Variants in FYB2 observed in about 807,000 individuals in gnomAD.
The protein encoded by FYB2 is FYN binding protein 2.
In FYB2, 103 loss-of-function variants were observed where a neutral mutation model predicts 94.1. That is an observed-to-expected ratio of 1.09 (90% CI 0.93 to 1.29). The LOEUF is 1.29. FYB2 is among the 50% of genes most tolerant of loss of function. The pLI is 0.00. For synonymous variants in FYB2, 293 were observed against 287.9 expected (o/e 1.02, Z -0.18); for missense variants, 896 against 841.5 (o/e 1.06, Z -0.80).
rs41313256 is a variant in FYB2, at chr1:56,789,053, G to T, written c.839C>A (p.Pro280Gln). ...PSIDSLGPPP[P>Q]KPSRPPIVNL... is the part of the protein sequence containing the mutation. The stretch of plus-strand genomic sequence containing the variant: ...CACGATGGGAGGTCTTGAAGGCTTT[G>T]GGGGAGGAGGACCCAGGGAGTCGAT... Residue 280 changes from proline (P) to glutamine (Q), a missense_variant, in exon 3 of 20, where the codon CCA (proline) becomes CAA (glutamine). By Grantham distance (76) the Pro-to-Gln change is moderately conservative. Transcript: ENST00000343433. The T allele has an allele frequency of 7.4e-6, 12 of 1,613,888 alleles. No individual in the cohort carries two copies. In the South Asian group the frequency reaches 8.8e-5, roughly 12 times the overall value.
chr1:56,794,695 C>T (rs1350259922), intron 1 of FYB2, among the ~76,000 whole-genome samples: 2 of 152,074 alleles, frequency 1.3e-5, no homozygotes, highest in Non-Finnish European at 2.9e-5. Context: ...CGCACAGGCA[C>T]ACGCACACAC....
At chr1:56,733,414 TTG>T (rs1434498490) in intron 15 of FYB2, among the ~76,000 whole-genome samples, 5 of 152,214 alleles carry the variant, frequency 3.3e-5, no homozygotes, top group Middle Eastern at 3.4e-3. Flanking sequence ...GAAGGTTTTT[TTG>T]TGTGTCTCTA....
At chr1:56,754,990 T>A (rs1433051283) in intron 7 of FYB2, among the ~76,000 whole-genome samples, 4 of 151,908 alleles carry the variant, frequency 2.6e-5, no homozygotes, top group Non-Finnish European at 5.9e-5. Flanking sequence ...CTAAAGCAGG[T>A]TTTCTCCATG....
chr1:56,720,204 A>G lies in FYB2; in HGVS notation c.2100T>C (p.Asn700=). 1 of 1,611,544 alleles carries G rather than the reference A, an allele frequency of 6.2e-7. No homozygotes were observed. Among genetic ancestry groups the G allele is most frequent in the South Asian group, 1.1e-5 (1 of 90,596 alleles). Residue 700 remains asparagine (N), a synonymous_variant, in exon 18 of 20, where the codon AAT becomes AAC. Coordinates refer to ENST00000343433, the MANE Select transcript of FYB2 (RefSeq NM_001004303.5). ...CTTTAGAATTACGACATATCACTAGATTTTGTTCGGTGGTATCAATGACTT... is the reference window on the plus strand; with the variant it reads ...CTTTAGAATTACGACATATCACTAGGTTTTGTTCGGTGGTATCAATGACTT... ...ELEVIDTTEQ[N]LVICRNSKGK... is the part of the protein sequence containing the mutation.
At chr1:56,780,276 A>G (rs1231017519) in intron 4 of FYB2, among the ~76,000 whole-genome samples, 1 of 152,098 alleles carries the variant, frequency 6.6e-6, no homozygotes, top group Non-Finnish European at 1.5e-5. Flanking sequence ...TAGTTCCAAA[A>G]CCTTTCATAT....
intron 4 of FYB2, among the ~76,000 whole-genome samples, chr1:56,769,532 C>G (rs1645704771): frequency 6.6e-6 from 1 of 151,940 alleles, no homozygotes; most frequent in Non-Finnish European, 1.5e-5. Context: ...AATAGCTATA[C>G]TATTATTTTC....
intron 1 of FYB2, among the ~76,000 whole-genome samples, chr1:56,796,452 C>T (rs1646399916): frequency 1.3e-5 from 2 of 152,174 alleles, no homozygotes; most frequent in Non-Finnish European, 1.5e-5. Context: ...CCCTTCGATT[C>T]TTCCTCACTT....
At chr1:56,820,635 C>T (rs1293081446), upstream of FYB2, among the ~76,000 whole-genome samples, 1 of 152,226 alleles carries the variant, frequency 6.6e-6, no homozygotes, top group Non-Finnish European at 1.5e-5. Flanking sequence ...CCAAACCTGG[C>T]TGATCACCAG....
At chr1:56,776,549 C>T (rs1183699538) in intron 4 of FYB2, among the ~76,000 whole-genome samples, 4 of 152,078 alleles carry the variant, frequency 2.6e-5, no homozygotes, top group South Asian at 2.1e-4. Context: ...CCAGTCAAAA[C>T]TTCAACAGCA....
intron 15 of FYB2, among the ~76,000 whole-genome samples, chr1:56,736,424 C>CTTTTTTT (rs59242700): frequency 3.3e-5 from 4 of 120,006 alleles, no homozygotes; most frequent in African/African-American, 6.6e-5. Flanking sequence ...TTAAGGATGG[C>CTTTTTTT]TTTTTTTTTT....
At chr1:56,791,785 T>C (rs113924375) in intron 2 of FYB2, among the ~76,000 whole-genome samples, 5,826 of 152,250 alleles carry the variant, frequency 0.038, 161 homozygotes, top group Middle Eastern at 0.068. Context: ...TCTATATAAA[T>C]TGCCTAAATT....
chr1:56,799,568 C>T (rs1646474140), intron 1 of FYB2, among the ~76,000 whole-genome samples: 1 of 152,050 alleles, frequency 6.6e-6, no homozygotes, highest in South Asian at 2.1e-4. Flanking sequence ...GACCATGTAT[C>T]TTGGGTTTTT....
In FYB2 at chr1:56,751,088, G is replaced by A; in HGVS notation, c.1343C>T (p.Pro448Leu). ...EAMIDIIQTN[P>L]CPEGPKLARH... is the part of the protein sequence containing the mutation. Reference sequence around the variant, plus strand: ...GGCCAGCTTTGGGCCCTCAGGGCAGGGATTTGTCTGGATGATGTCAATCAT... The same window carrying A: ...GGCCAGCTTTGGGCCCTCAGGGCAGAGATTTGTCTGGATGATGTCAATCAT... The change falls in exon 9 of 20, where the codon CCC becomes CTC. Residue 448 changes from proline to leucine, a missense_variant. Transcript: ENST00000343433. 6.2e-7 allele frequency: 1 copy of A among 1,612,794 alleles called. No homozygotes were observed. The highest frequency in any genetic ancestry group is 1.1e-5 in the South Asian group (1 of 91,044).
At chr1:56,759,300 A>G (rs1473284057) in intron 5 of FYB2, among the ~76,000 whole-genome samples, 1 of 152,158 alleles carries the variant, frequency 6.6e-6, no homozygotes, top group Admixed American at 6.5e-5. Flanking sequence ...TCGCTTAACA[A>G]TGGGGATCTG....
intron 4 of FYB2, among the ~76,000 whole-genome samples, chr1:56,768,765 T>C (rs1252114980): frequency 6.6e-6 from 1 of 152,094 alleles, no homozygotes; most frequent in Non-Finnish European, 1.5e-5. Context: ...AGTAAGATAG[T>C]CAGAAGGCAT....
At chr1:56,818,192 G>T (rs1216432318) in intron 1 of FYB2, among the ~76,000 whole-genome samples, 2 of 151,928 alleles carry the variant, frequency 1.3e-5, no homozygotes, top group African/African-American at 2.4e-5. Context: ...TGGGGGTGGC[G>T]GGGAGAACTC....
intron 4 of FYB2, among the ~76,000 whole-genome samples, chr1:56,773,657 G>T (rs1251983292): frequency 6.6e-6 from 1 of 152,142 alleles, no homozygotes; most frequent in Admixed American, 6.5e-5. Context: ...TTCATTGGAA[G>T]AAAGTTCTAG....
upstream of FYB2, among the ~76,000 whole-genome samples, chr1:56,820,015 G>A (rs958769158): frequency 6.6e-6 from 1 of 151,970 alleles, no homozygotes; most frequent in Admixed American, 6.6e-5. Context: ...ATCACTTGAG[G>A]TCAGGAGTTT....
At chr1:56,813,763 T>C (rs1272104765) in intron 1 of FYB2, among the ~76,000 whole-genome samples, 3 of 152,232 alleles carry the variant, frequency 2.0e-5, no homozygotes, top group Non-Finnish European at 2.9e-5. Context: ...CTAAGCTCTT[T>C]AAACATATTA....
Sources: gnomAD v4.1 joint callset for allele counts (sites outside exome capture counted in the v4.1 genomes callset) on GRCh38, gnomAD v4.1.1 for gene constraint, MANE v1.5 for transcripts, NCBI Gene and HGNC (gene_info 2026-07-23, HGNC 2026-07-21) for gene names.